PEX5L: variants seen among roughly 807,000 people sequenced by gnomAD.
PEX5L encodes peroxisomal biogenesis factor 5 like.
A neutral mutation model predicts 84.0 loss-of-function variants in PEX5L; 30 were observed. That is an observed-to-expected ratio of 0.36 (90% CI 0.27 to 0.48). The LOEUF is 0.48. Among genes scored for constraint, PEX5L ranks in the 20% least tolerant of loss-of-function variants. PEX5L has a pLI of 0.99. For synonymous variants in PEX5L, 270 were observed against 283.1 expected (o/e 0.95, Z 0.46); for missense variants, 533 against 754.6 (o/e 0.71, Z 3.44).
At chr3:179,859,742 G>T (rs766008290) in intron 7 of PEX5L, among the ~76,000 whole-genome samples, 3 of 152,102 alleles carry the variant, frequency 2.0e-5, no homozygotes, top group Non-Finnish European at 4.4e-5. Flanking sequence ...AAATAATAAT[G>T]AATCACTTAG....
chr3:179,931,255 C>A (rs1306184956), intron 2 of PEX5L, among the ~76,000 whole-genome samples: 1 of 152,190 alleles, frequency 6.6e-6, no homozygotes, highest in African/African-American at 2.4e-5. Flanking sequence ...ACGGACCTGG[C>A]AAAGCTACTG....
intron 1 of PEX5L, among the ~76,000 whole-genome samples, chr3:179,998,236 T>C (rs146773769): frequency 0.041 from 6,208 of 152,276 alleles, 418 homozygotes; most frequent in African/African-American, 0.14. Context: ...GGCACAATGC[T>C]TAGTGGGCCT....
intron 2 of PEX5L, among the ~76,000 whole-genome samples, chr3:179,963,099 A>T (rs186556405): frequency 6.6e-6 from 1 of 152,300 alleles, no homozygotes; most frequent in African/African-American, 2.4e-5. Context: ...GTGACTCATG[A>T]TGTCTCTCTT....
chr3:179,919,966 G>A (rs1768720026), intron 2 of PEX5L, among the ~76,000 whole-genome samples: 1 of 152,204 alleles, frequency 6.6e-6, no homozygotes, highest in Non-Finnish European at 1.5e-5. Context: ...GACTCCCAAA[G>A]TGTTGAGATT....
At chr3:180,004,947 T>C (rs1788741251) in intron 1 of PEX5L, among the ~76,000 whole-genome samples, 1 of 152,198 alleles carries the variant, frequency 6.6e-6, no homozygotes, top group Non-Finnish European at 1.5e-5. Context: ...TTAGTATTTT[T>C]GTAAATGTGG....
chr3:179,961,378 G>C (rs1038415517), intron 2 of PEX5L, among the ~76,000 whole-genome samples: 2 of 151,988 alleles, frequency 1.3e-5, no homozygotes, highest in African/African-American at 4.8e-5. Flanking sequence ...AAAAAAAACA[G>C]GTTTGCAAGA....
At position 179,975,599 on chromosome 3, in the gene PEX5L, T is replaced by C. The variant is rs182185220; in HGVS notation, c.22-3934A>G. Among the ~76,000 whole-genome samples the C allele has an allele frequency of 3.2e-3, 494 of 152,338 alleles. 8 individuals are homozygous for C. The highest frequency in any genetic ancestry group is 1.5e-3 in the East Asian group (8 of 5,188). On this transcript the variant is annotated intron_variant, in intron 1 of 14. Transcript: ENST00000467460. ...AATCAATGCTGCTATGAATGATACA[T>C]AGTAGACATGAATTTATTAAAGCAC...
chr3:179,859,681 C>T (rs1041931018), intron 7 of PEX5L, among the ~76,000 whole-genome samples: 10 of 152,186 alleles, frequency 6.6e-5, no homozygotes, highest in African/African-American at 2.4e-4. Context: ...TTCTGCTTTC[C>T]CTCTGTTGGC....
At chr3:179,973,671 G>A (rs1373376667) in intron 1 of PEX5L, 11 of 985,214 alleles carry the variant, frequency 1.1e-5, no homozygotes, top group African/African-American at 1.7e-5. Flanking sequence ...AGCACTCACA[G>A]AACATCATTC....
chr3:179,953,462 GT>G (rs1215888018), intron 2 of PEX5L, among the ~76,000 whole-genome samples: 7 of 151,676 alleles, frequency 4.6e-5, no homozygotes. Context: ...CTTCTCAAAA[GT>G]TTTTTTTTAA....
intron 8 of PEX5L, among the ~76,000 whole-genome samples, chr3:179,833,909 A>C (rs1197294179): frequency 3.9e-5 from 6 of 152,164 alleles, no homozygotes; most frequent in Non-Finnish European, 8.8e-5. Flanking sequence ...ATGATGGCTC[A>C]CTGCAGCCTC....
intron 8 of PEX5L, among the ~76,000 whole-genome samples, chr3:179,856,355 A>C (rs1010563627): frequency 6.7e-6 from 1 of 150,062 alleles, no homozygotes; most frequent in African/African-American, 2.5e-5. Flanking sequence ...TTTAATAGTT[A>C]CATAGTATTT....
At chr3:179,869,162 C>T (rs1749408544) in intron 7 of PEX5L, among the ~76,000 whole-genome samples, 1 of 152,152 alleles carries the variant, frequency 6.6e-6, no homozygotes, top group South Asian at 2.1e-4. Flanking sequence ...CTGCACATCC[C>T]AGTAAAATCT....
chr3:179,990,869 ATG>A (rs774685814), intron 1 of PEX5L, among the ~76,000 whole-genome samples: 7 of 152,236 alleles, frequency 4.6e-5, no homozygotes, highest in Non-Finnish European at 7.3e-5. Flanking sequence ...GGCAACTGAA[ATG>A]TAAATGTGCT....
intron 2 of PEX5L, among the ~76,000 whole-genome samples, chr3:179,922,683 G>A (rs1213021656): frequency 6.6e-6 from 1 of 151,524 alleles, no homozygotes; most frequent in African/African-American, 2.4e-5. Context: ...CAAACTCCTG[G>A]TCTCAAGTGA....
At chr3:179,882,177 GAGTT>G (rs1415199699) in intron 4 of PEX5L, among the ~76,000 whole-genome samples, 4 of 152,190 alleles carry the variant, frequency 2.6e-5, no homozygotes, top group African/African-American at 9.7e-5. Flanking sequence ...AAACAATTAA[GAGTT>G]AGTCACTTGC....
At chr3:180,035,064 T>C (rs1354819521) in intron 1 of PEX5L, among the ~76,000 whole-genome samples, 1 of 152,208 alleles carries the variant, frequency 6.6e-6, no homozygotes, top group Non-Finnish European at 1.5e-5. Context: ...AAAGTTTTTG[T>C]TAATTTCCCC....
intron 2 of PEX5L, among the ~76,000 whole-genome samples, chr3:179,935,990 C>T (rs1445926975): frequency 3.9e-5 from 6 of 152,190 alleles, no homozygotes; most frequent in Non-Finnish European, 7.3e-5. Flanking sequence ...GCCAGCACCA[C>T]GTTTCTTGGA....
intron 1 of PEX5L, among the ~76,000 whole-genome samples, chr3:180,026,133 CTTTT>C (rs368852075): frequency 6.9e-5 from 7 of 101,748 alleles, no homozygotes; most frequent in African/African-American, 1.4e-4. Flanking sequence ...TTTCAGCATT[CTTTT>C]TTTTTTTTTT....
Sources: allele counts gnomAD v4.1 joint callset (sites outside exome capture counted in the v4.1 genomes callset), GRCh38; gene constraint gnomAD v4.1.1; transcripts MANE v1.5; gene names NCBI Gene and HGNC (gene_info 2026-07-23, HGNC 2026-07-21).